The following KCNC2 variants were observed in gnomAD, a reference collection of about 807,000 sequenced individuals.
The protein encoded by KCNC2 is potassium voltage-gated channel subfamily C member 2.
A neutral mutation model predicts 44.5 loss-of-function variants in KCNC2; 21 were observed. The ratio of observed to expected loss-of-function variants is 0.47; its 90% CI spans 0.33 to 0.68. The LOEUF (loss-of-function observed/expected upper bound fraction) is 0.68, where lower values mean the gene tolerates loss of function less well. Among genes scored for constraint, KCNC2 ranks in the 30% least tolerant of loss-of-function variants. KCNC2 has a pLI of 0.01. For missense variants in KCNC2, 589 were observed against 826.2 expected (o/e 0.71, Z 3.52); for synonymous variants, 391 against 339.1 (o/e 1.15, Z -1.68).
chr12:75,200,990 G>A (rs576410205), intron 2 of KCNC2, among the ~76,000 whole-genome samples: 39 of 151,528 alleles, frequency 2.6e-4, no homozygotes, highest in Non-Finnish European at 5.0e-4. Context: ...GTGAAAATGC[G>A]ACTGAGATTA....
At chr12:75,140,001 A>C (rs1889520787) in intron 2 of KCNC2, 1 of 152,166 alleles carries the variant, frequency 6.6e-6, no homozygotes, top group South Asian at 2.1e-4. Flanking sequence ...ACCACCCTAA[A>C]ATATAGGCAT....
At chr12:75,120,397 A>G (rs1311232185) in intron 2 of KCNC2, among the ~76,000 whole-genome samples, 1 of 152,090 alleles carries the variant, frequency 6.6e-6, no homozygotes, top group Non-Finnish European at 1.5e-5. Flanking sequence ...CCACAACCCT[A>G]TATTCTAAAT....
Position 75,058,620 on chromosome 12 carries a change from G to T in KCNC2, c.688-7303C>A, listed in dbSNP as rs943770032. ...AAAAGTCTGTTTCTTTTAGCACTAT[G>T]GCACTGCAGTTAAAGCACATCTTAC... On this transcript the variant is annotated intron_variant, in intron 2 of 4. Transcript: ENST00000549446. 7.9e-5 allele frequency among the ~76,000 whole-genome samples: 12 copies of T among 152,120 alleles called. No individual in the cohort carries two copies. In the South Asian group the frequency reaches 2.5e-3, roughly 32 times the overall value.
chr12:75,101,705 C>A (rs2137182108), intron 2 of KCNC2, among the ~76,000 whole-genome samples: 1 of 152,084 alleles, frequency 6.6e-6, no homozygotes, highest in East Asian at 1.9e-4. Flanking sequence ...TTTTTCAAAG[C>A]TTTGGGTGTA....
chr12:75,202,946 C>A (rs1249946311), intron 2 of KCNC2, among the ~76,000 whole-genome samples: 1 of 151,506 alleles, frequency 6.6e-6, no homozygotes, highest in Admixed American at 6.6e-5. Flanking sequence ...ATTATATCTT[C>A]TCCATGCATT....
intron 2 of KCNC2, among the ~76,000 whole-genome samples, chr12:75,057,447 T>A (rs11180347): frequency 2.0e-5 from 3 of 151,782 alleles, no homozygotes; most frequent in Non-Finnish European, 4.4e-5. Context: ...CAGTTTCTTC[T>A]GAGGCTGTTG....
rs771663289 is a variant in KCNC2, at chr12:75,207,792, C to T, written c.192G>A (p.Pro64=). 1 of 1,593,498 alleles carries T rather than the reference C, an allele frequency of 6.3e-7. No homozygotes were observed. The highest frequency in any genetic ancestry group is 8.5e-7 in the Non-Finnish European group (1 of 1,171,786). The change falls in exon 2 of 5, where the codon CCG becomes CCA. Residue 64 remains proline, a synonymous_variant. Transcript: ENST00000549446. This position sits in a 1 kb window ranked among gnomAD's most constrained non-coding sequence, Gnocchi z 4.1. ...LQPSPPPLSP[P]PRAPPLSPGP... ...CGGGGGACAGCGGGGGCGCTCTCGG[C>T]GGCGGCGACAGTGGAGGCGGCGACG...
At chr12:75,208,030 T>G in intron 1 of KCNC2, 28 bp from the exon 2 acceptor site, 1 of 1,605,704 alleles carries the variant, frequency 6.2e-7, no homozygotes, top group Non-Finnish European at 8.5e-7. Flanking sequence ...CAGCGCCGAG[T>G]TAAAGATCTT....
intron 2 of KCNC2, among the ~76,000 whole-genome samples, chr12:75,203,560 T>A (rs919910410): frequency 1.3e-5 from 2 of 151,736 alleles, no homozygotes; most frequent in East Asian, 3.9e-4. Flanking sequence ...TAGAAACACA[T>A]CAAAAAGGCA....
At chr12:75,088,585 T>TCACAAGCCA (rs1885217017) in intron 2 of KCNC2, among the ~76,000 whole-genome samples, 1 of 152,044 alleles carries the variant, frequency 6.6e-6, no homozygotes, top group African/African-American at 2.4e-5. Context: ...GTCATAGTTA[T>TCACAAGCCA]GCTCTCTTTA....
chr12:75,195,721 C>T (rs936401057), intron 2 of KCNC2, among the ~76,000 whole-genome samples: 1 of 152,134 alleles, frequency 6.6e-6, no homozygotes, highest in Non-Finnish European at 1.5e-5. Flanking sequence ...CACTCACCCT[C>T]TCCAACCCAA....
At chr12:75,076,207 A>G (rs1310642047) in intron 2 of KCNC2, among the ~76,000 whole-genome samples, 1 of 152,220 alleles carries the variant, frequency 6.6e-6, no homozygotes, top group African/African-American at 2.4e-5. Flanking sequence ...ATCAAAATGT[A>G]TAACTTATGC....
Position 75,137,736 on chromosome 12 carries a change from A to G in KCNC2, c.687+69561T>C, listed in dbSNP as rs1330582689. Among the ~76,000 whole-genome samples the G allele has an allele frequency of 1.2e-4, 19 of 152,214 alleles. 1 individual carries two copies. Among genetic ancestry groups the G allele is most frequent in the Admixed American group, 1.2e-3 (19 of 15,288 alleles). On this transcript the variant is annotated intron_variant, in intron 2 of 4. Transcript: ENST00000549446. ...CAAAAAAATTATATAAGTAAAACAT[A>G]AAGTCAGCTTAGATTCCCTTTCTCA...
At position 75,207,086 on chromosome 12, in the gene KCNC2, G is replaced by C. The variant is rs2031743282; in HGVS notation, c.687+211C>G. Among the ~76,000 whole-genome samples the C allele has an allele frequency of 6.6e-6, 1 of 152,222 alleles. No homozygotes were observed. The highest frequency in any genetic ancestry group is 1.5e-5 in the Non-Finnish European group (1 of 68,048). ...AGCAAATCTGTTTGAGTTGGGAGAA[G>C]AGGAGGAGGAGAAAGATGGGACTGG... On this transcript the variant is annotated intron_variant, in intron 2 of 4. Coordinates refer to ENST00000549446, the MANE Select transcript of KCNC2 (RefSeq NM_139137.4). The surrounding 1 kb of genome is among the most constrained non-coding windows in gnomAD (Gnocchi z 4.1).
chr12:75,151,910 A>AAT (rs1020063645), intron 2 of KCNC2, among the ~76,000 whole-genome samples: 39 of 139,244 alleles, frequency 2.8e-4, no homozygotes, highest in African/African-American at 9.0e-4. Flanking sequence ...GAGAAAGTCT[A>AAT]ATATATATAT....
intron 3 of KCNC2, among the ~76,000 whole-genome samples, chr12:75,048,629 T>C (rs548853984): frequency 1.6e-3 from 251 of 152,256 alleles, no homozygotes; most frequent in African/African-American, 5.5e-3. Context: ...GCATGTGGAT[T>C]ATTGTCTTAC....
intron 2 of KCNC2, among the ~76,000 whole-genome samples, chr12:75,076,850 G>T (rs1462480127): frequency 6.6e-6 from 1 of 151,976 alleles, no homozygotes; most frequent in East Asian, 1.9e-4. Context: ...TTATTAATTG[G>T]GTGTTAATAA....
chr12:75,103,030 C>T (rs894831606), intron 2 of KCNC2, among the ~76,000 whole-genome samples: 3 of 152,010 alleles, frequency 2.0e-5, no homozygotes, highest in Non-Finnish European at 4.4e-5. Flanking sequence ...GCAAGCATGA[C>T]AAACAGAAGA....
chr12:75,068,084 G>A (rs2137019657), intron 2 of KCNC2, among the ~76,000 whole-genome samples: 1 of 152,252 alleles, frequency 6.6e-6, no homozygotes, highest in Admixed American at 6.5e-5. Context: ...GAATCAATCT[G>A]GGGAAAAGCT....
Sources: allele counts gnomAD v4.1 joint callset (sites outside exome capture counted in the v4.1 genomes callset), GRCh38; gene constraint gnomAD v4.1.1; non-coding constraint Gnocchi (gnomAD v3.1); transcripts MANE v1.5; gene names NCBI Gene and HGNC (gene_info 2026-07-23, HGNC 2026-07-21).